CACNA1A: variants seen among roughly 807,000 people sequenced by gnomAD.
CACNA1A encodes calcium voltage-gated channel subunit alpha1 A.
Under a neutral mutation model 262.4 loss-of-function variants are expected in CACNA1A, and 57 were observed. The observed-to-expected ratio is 0.22, with a 90% CI of 0.18 to 0.27. The LOEUF is 0.27. Among genes scored for constraint, CACNA1A ranks in the 10% least tolerant of loss-of-function variants. The pLI is 1.00. For missense variants in CACNA1A, 2,526 were observed against 3,562.8 expected (o/e 0.71, Z 7.41); for synonymous variants, 1,431 against 1,419.3 (o/e 1.01, Z -0.18).
chr19:13,333,032 G>C, intron 8 of CACNA1A, 107 bp from the exon 9 acceptor site: 3 of 846,866 alleles, frequency 3.5e-6, no homozygotes, highest in Non-Finnish European at 5.8e-6. Flanking sequence ...GCTGACTGAT[G>C]GTGACAGCTC....
chr19:13,307,952 A>G (rs894114906), intron 14 of CACNA1A, 98 bp from the exon 15 acceptor site: 7 of 1,395,730 alleles, frequency 5.0e-6, no homozygotes, highest in Non-Finnish European at 7.0e-6. Flanking sequence ...CGTCTCCATC[A>G]TCTCTGTCCC....
intron 1 of CACNA1A, among the ~76,000 whole-genome samples, chr19:13,460,070 C>T (rs780756628): frequency 7.9e-5 from 12 of 152,156 alleles, no homozygotes; most frequent in Admixed American, 2.0e-4. Flanking sequence ...TCTGCTCACC[C>T]GCACCCCCGC....
chr19:13,504,610 G>T (rs571421942), intron 1 of CACNA1A, among the ~76,000 whole-genome samples: 1 of 151,980 alleles, frequency 6.6e-6, no homozygotes, highest in Non-Finnish European at 1.5e-5. Flanking sequence ...CATACAAAAG[G>T]GATAGGGGAC....
chr19:13,301,954 C>G (rs1458950720), intron 17 of CACNA1A, among the ~76,000 whole-genome samples: 1 of 151,290 alleles, frequency 6.6e-6, no homozygotes, highest in African/African-American at 2.4e-5. Context: ...GCCTCAGAAA[C>G]ACCTAAAATG....
chr19:13,503,974 T>G (rs964299884), intron 1 of CACNA1A, among the ~76,000 whole-genome samples: 1 of 152,024 alleles, frequency 6.6e-6, no homozygotes, highest in Non-Finnish European at 1.5e-5. Flanking sequence ...TCTGCAGGAT[T>G]CAGGCTGGAC....
At chr19:13,376,725 T>C (rs937986328) in intron 3 of CACNA1A, among the ~76,000 whole-genome samples, 3 of 148,278 alleles carry the variant, frequency 2.0e-5, no homozygotes, top group Non-Finnish European at 3.0e-5. Context: ...ACATAATATA[T>C]GTTATATATG....
intron 21 of CACNA1A, 129 bp downstream of exon 21, chr19:13,284,939 C>G: frequency 1.2e-6 from 1 of 815,532 alleles, no homozygotes; most frequent in South Asian, 1.9e-5. Context: ...CATCCATTTT[C>G]AACTTGTTCA....
intron 6 of CACNA1A, among the ~76,000 whole-genome samples, chr19:13,353,998 C>T (rs181548883): frequency 7.1e-4 from 108 of 152,290 alleles, no homozygotes; most frequent in African/African-American, 2.5e-3. Flanking sequence ...ATCATGTTTA[C>T]CATTTGCATC....
intron 3 of CACNA1A, among the ~76,000 whole-genome samples, chr19:13,393,771 CTCCCTCCCTCCT>C (rs2059759520): frequency 1.3e-5 from 1 of 74,998 alleles, no homozygotes; most frequent in Non-Finnish European, 3.3e-5. Flanking sequence ...CCTTCCCTCC[CTCCCTCCCTCCT>C]TCCTTCCTTC....
At chr19:13,417,353 C>T (rs1172402108) in intron 3 of CACNA1A, among the ~76,000 whole-genome samples, 1 of 152,168 alleles carries the variant, frequency 6.6e-6, no homozygotes, top group East Asian at 1.9e-4. Flanking sequence ...TGTCATGTTT[C>T]GGTTTCTGAA....
rs568256782 is a variant in CACNA1A, at chr19:13,474,347, C to T, written c.294-19135G>A. On this transcript the variant is annotated intron_variant, in intron 1 of 46. Transcript: ENST00000360228. ...CCTCCAAGCTTGAGGCGCTTCAGAG[C>T]TATTTGTTAATTTGCGACTATGGCC... Among the ~76,000 whole-genome samples the T allele has an allele frequency of 2.0e-5, 3 of 152,298 alleles. No homozygotes were observed. The South Asian group carries it at 6.2e-4, about 32-fold the overall frequency.
chr19:13,327,019 G>T (rs1600338842), intron 10 of CACNA1A, among the ~76,000 whole-genome samples: 1 of 151,816 alleles, frequency 6.6e-6, no homozygotes, highest in South Asian at 2.1e-4. Flanking sequence ...CTCACGAGTA[G>T]CTGGGACTAC....
chr19:13,489,231 C>T (rs1042471081), intron 1 of CACNA1A, among the ~76,000 whole-genome samples: 11 of 151,686 alleles, frequency 7.3e-5, no homozygotes, highest in Admixed American at 7.2e-4. Context: ...AGGATGATCT[C>T]GATCTCCTGA....
At chr19:13,209,155 A>C in intron 45 of CACNA1A, 146 bp from the exon 46 acceptor site, 1 of 1,336,828 alleles carries the variant, frequency 7.5e-7, no homozygotes. Flanking sequence ...GGGAGGGGGT[A>C]GTACCCAGGT....
chr19:13,262,687 A>T, intron 25 of CACNA1A, 47 bp downstream of exon 25: 1 of 1,184,026 alleles, frequency 8.4e-7, no homozygotes. Flanking sequence ...TGTACATGAT[A>T]ACCCTGACAG....
rs1368487432 is a variant in CACNA1A, at chr19:13,308,385, G to C, written c.1781+31C>G. The C allele has an allele frequency of 6.4e-7, 1 of 1,566,640 alleles. No individual in the cohort carries two copies. Among genetic ancestry groups the C allele is most frequent in the African/African-American group, 1.4e-5 (1 of 73,798 alleles). On this transcript the variant is annotated intron_variant, in intron 13 of 46. Transcript: ENST00000360228. The surrounding 1 kb of genome is among the most constrained non-coding windows in gnomAD (Gnocchi z 4.2). ...ACCATGTCCCCCATCCCCACCCCCT[G>C]TACAAATGTCCAGGAACCCCAAAGA... is the stretch of plus-strand genomic sequence containing the variant.
chr19:13,402,890 A>G (rs1198075791), intron 3 of CACNA1A, among the ~76,000 whole-genome samples: 3 of 103,682 alleles, frequency 2.9e-5, no homozygotes, highest in African/African-American at 1.1e-4. Context: ...ATATATATAT[A>G]TATATATATA....
Position 13,299,249 on chromosome 19 carries a change from T to C in CACNA1A, c.2384A>G (p.Asn795Ser). The C allele has an allele frequency of 6.2e-7, 1 of 1,608,624 alleles. No individual in the cohort carries two copies. The highest frequency in any genetic ancestry group is 8.5e-7 in the Non-Finnish European group (1 of 1,179,818). ...NLLASREALY[N>S]EMDPDERWKA... ...CCAGCGCTCGTCCGGGTCCATTTCG[T>C]TATACAGGGCCTCCCGGCTGGCCAG... The change falls in exon 19 of 47, where the codon AAC (asparagine) becomes AGC (serine). Residue 795 changes from asparagine (N) to serine (S), a missense_variant. Physicochemically the swap from Asn to Ser is conservative, Grantham distance 46. Coordinates refer to ENST00000360228, the MANE Select transcript of CACNA1A (RefSeq NM_001127222.2).
chr19:13,464,221 C>T (rs981199735), intron 1 of CACNA1A, among the ~76,000 whole-genome samples: 1 of 152,092 alleles, frequency 6.6e-6, no homozygotes, highest in East Asian at 1.9e-4. Context: ...GATCCTGTCT[C>T]TACAAAAATA....
Sources: gnomAD v4.1 joint callset for allele counts (sites outside exome capture counted in the v4.1 genomes callset) on GRCh38, gnomAD v4.1.1 for gene constraint, Gnocchi (gnomAD v3.1) non-coding constraint, MANE v1.5 for transcripts, NCBI Gene and HGNC (gene_info 2026-07-23, HGNC 2026-07-21) for gene names.